The following ZNF713 variants were observed in gnomAD, a reference collection of about 807,000 sequenced individuals.
The protein encoded by ZNF713 is zinc finger protein 713.
In ZNF713, 21 loss-of-function variants were observed where a neutral mutation model predicts 28.7. The ratio of observed to expected loss-of-function variants is 0.73; its 90% CI spans 0.52 to 1.05. ZNF713 has a LOEUF of 1.05. Among genes scored for constraint, ZNF713 ranks in the 50% least tolerant of loss-of-function variants. The pLI is 0.00. For synonymous variants in ZNF713, 167 were observed against 178.0 expected (o/e 0.94, Z 0.49); for missense variants, 458 against 532.4 (o/e 0.86, Z 1.37).
chr7:55,917,813 T>G (rs887630044), intron 4 of ZNF713, among the ~76,000 whole-genome samples: 1 of 152,204 alleles, frequency 6.6e-6, no homozygotes, highest in African/African-American at 2.4e-5. Context: ...AAGAGGAAAT[T>G]TGTGTTAAAA....
intron 1 of ZNF713, among the ~76,000 whole-genome samples, chr7:55,895,031 T>A (rs1785448168): frequency 6.6e-6 from 1 of 152,242 alleles, no homozygotes; most frequent in African/African-American, 2.4e-5. Flanking sequence ...TTTATATATT[T>A]ACTAAAATTT....
At chr7:55,915,224 T>C (rs1332822092) in intron 4 of ZNF713, among the ~76,000 whole-genome samples, 1 of 152,256 alleles carries the variant, frequency 6.6e-6, no homozygotes. Context: ...TTCCACATTC[T>C]AGCCCAAGGA....
intron 1 of ZNF713, among the ~76,000 whole-genome samples, chr7:55,891,411 G>T (rs1785377651): frequency 6.6e-6 from 1 of 150,662 alleles, no homozygotes; most frequent in African/African-American, 2.4e-5. Flanking sequence ...AATCAGGAGA[G>T]AAAAGATTAA....
At chr7:55,890,295 C>T (rs1248185198) in intron 1 of ZNF713, among the ~76,000 whole-genome samples, 1 of 151,554 alleles carries the variant, frequency 6.6e-6, no homozygotes, top group Non-Finnish European at 1.5e-5. Context: ...AGTAAAAATA[C>T]AAAAATTAGC....
At chr7:55,930,651 C>T (rs367701591) in intron 6 of ZNF713, among the ~76,000 whole-genome samples, 33 of 152,168 alleles carry the variant, frequency 2.2e-4, no homozygotes, top group Admixed American at 1.0e-3. Context: ...CCCAGCTATT[C>T]GGGAGGCTGA....
chr7:55,938,413 A>G (rs1310557466), intron 6 of ZNF713, among the ~76,000 whole-genome samples: 1 of 152,156 alleles, frequency 6.6e-6, no homozygotes, highest in Non-Finnish European at 1.5e-5. Flanking sequence ...ATCTGACAAG[A>G]CAGGCTCTAA....
In ZNF713 at chr7:55,939,805, A is replaced by G. The variant is rs112798657; in HGVS notation, c.1131A>G (p.Lys377=). The change falls in exon 7 of 7, where the codon AAA becomes AAG. Residue 377 remains lysine, a synonymous_variant. Coordinates refer to ENST00000429591, the MANE Select transcript of ZNF713 (RefSeq NM_182633.3). ...EKPYECGFCG[K]AFSQRTHLNQ... ...CTTACGAATGTGGTTTCTGTGGCAA[A>G]GCCTTCAGTCAGAGGACACATCTGA... 4,874 of 1,614,176 alleles carry G rather than the reference A, an allele frequency of 3.0e-3. 8 individuals are homozygous for G. The highest frequency in any genetic ancestry group is 3.7e-3 in the Non-Finnish European group (4,379 of 1,180,036).
intron 6 of ZNF713, among the ~76,000 whole-genome samples, chr7:55,935,931 G>A (rs1278397446): frequency 6.6e-6 from 1 of 151,664 alleles, no homozygotes; most frequent in African/African-American, 2.4e-5. Context: ...CTCCAGCCTG[G>A]GCAACAGAGT....
At chr7:55,899,686 TAAAA>T (rs1023861914) in intron 1 of ZNF713, among the ~76,000 whole-genome samples, 2 of 151,470 alleles carry the variant, frequency 1.3e-5, no homozygotes, top group Non-Finnish European at 2.9e-5. Flanking sequence ...AAATAAAAAA[TAAAA>T]AAATCGAACT....
chr7:55,921,475 A>G (rs1352166402), intron 4 of ZNF713, among the ~76,000 whole-genome samples: 1 of 152,214 alleles, frequency 6.6e-6, no homozygotes, highest in Non-Finnish European at 1.5e-5. Context: ...TGCCATTAAG[A>G]ACATTTGTGG....
chr7:55,914,003 C>T (rs1466769221), intron 4 of ZNF713, among the ~76,000 whole-genome samples: 8 of 151,034 alleles, frequency 5.3e-5, no homozygotes, highest in East Asian at 2.0e-4. Context: ...CCCAGCTACT[C>T]GGGAGGCTAA....
chr7:55,938,979 T>G lies in ZNF713; in HGVS notation c.308-3T>G, dbSNP rs1362248665. ...GTATTTGTATGTTCTGAATTTCTTT[T>G]AGATGGAGAAAACAGACCCGAAATC... On this transcript the variant is annotated splice_region_variant and splice_polypyrimidine_tract_variant and intron_variant, in intron 6 of 6. Coordinates refer to ENST00000429591, the MANE Select transcript of ZNF713 (RefSeq NM_182633.3). The G allele has an allele frequency of 3.8e-6, 6 of 1,563,276 alleles. No individual in the cohort carries two copies. The highest frequency in any genetic ancestry group is 5.2e-6 in the Non-Finnish European group (6 of 1,157,008).
At chr7:55,925,210 G>A (rs969952721) in intron 6 of ZNF713, among the ~76,000 whole-genome samples, 1 of 152,108 alleles carries the variant, frequency 6.6e-6, no homozygotes, top group African/African-American at 2.4e-5. Context: ...CTTTGCTCTG[G>A]TACCTGGCTT....
At chr7:55,894,822 T>G (rs1259266015) in intron 1 of ZNF713, among the ~76,000 whole-genome samples, 2 of 152,098 alleles carry the variant, frequency 1.3e-5, no homozygotes, top group Non-Finnish European at 2.9e-5. Context: ...AATGAATGTT[T>G]TGACTTTTGT....
At chr7:55,935,368 CTATA>C (rs148739700) in intron 6 of ZNF713, among the ~76,000 whole-genome samples, 1 of 150,380 alleles carries the variant, frequency 6.6e-6, no homozygotes, top group African/African-American at 2.4e-5. Flanking sequence ...TGAAGTAGAC[CTATA>C]TATATATATA....
At chr7:55,895,406 C>A (rs1472382877) in intron 1 of ZNF713, among the ~76,000 whole-genome samples, 2 of 145,268 alleles carry the variant, frequency 1.4e-5, no homozygotes, top group Admixed American at 7.0e-5. Context: ...TAAGATATAT[C>A]TATCTATCTA....
chr7:55,926,435 C>T (rs1786097014), intron 6 of ZNF713, among the ~76,000 whole-genome samples: 1 of 152,204 alleles, frequency 6.6e-6, no homozygotes, highest in African/African-American at 2.4e-5. Flanking sequence ...GACAGGCAGC[C>T]TAACCGTCTT....
In ZNF713 at chr7:55,895,985, C is replaced by A. The variant is rs1017236314; in HGVS notation, c.-583+8305C>A. 5.9e-5 allele frequency among the ~76,000 whole-genome samples: 9 copies of A among 152,190 alleles called. No homozygotes were observed. In the South Asian group the frequency reaches 1.9e-3, roughly 32 times the overall value. ...GCTGTGGAGTCACCATTCTGACCTA[C>A]CTTACTGTATGGAAAATTAATGGCA... On this transcript the variant is annotated intron_variant, in intron 1 of 6. Transcript: ENST00000429591.
Position 55,939,338 on chromosome 7 carries a change from T to A in ZNF713, c.664T>A (p.Leu222Met). The change falls in exon 7 of 7, where the codon TTG (leucine) becomes ATG (methionine). Residue 222 changes from leucine to methionine, a missense_variant. Leu to Met is a conservative substitution (Grantham distance 15). Coordinates refer to ENST00000429591, the MANE Select transcript of ZNF713 (RefSeq NM_182633.3). ...AAACAGCATCAAACATAATTCAGAC[T>A]TGATTTACTATCAGGGAAATTATGT... Reference protein sequence around the residue: ...QGNSIKHNSDLIYYQGNYVRE... With the variant: ...QGNSIKHNSDMIYYQGNYVRE... 1 of 1,614,066 alleles carries A rather than the reference T, an allele frequency of 6.2e-7. No homozygotes were observed. Among genetic ancestry groups the A allele is most frequent in the Non-Finnish European group, 8.5e-7 (1 of 1,180,010 alleles).
Sources: gnomAD v4.1 joint callset for allele counts (sites outside exome capture counted in the v4.1 genomes callset) on GRCh38, gnomAD v4.1.1 for gene constraint, MANE v1.5 for transcripts, NCBI Gene and HGNC (gene_info 2026-07-23, HGNC 2026-07-21) for gene names.